NOTCH2: variants seen among roughly 807,000 people sequenced by gnomAD.
The protein encoded by NOTCH2 is notch receptor 2.
Under a neutral mutation model 235.8 loss-of-function variants are expected in NOTCH2, and 29 were observed. That is an observed-to-expected ratio of 0.12 (90% CI 0.09 to 0.17). The LOEUF (loss-of-function observed/expected upper bound fraction) is 0.17, where lower values mean the gene tolerates loss of function less well. NOTCH2 is among the 10% of genes least tolerant of loss of function. NOTCH2 has a pLI of 1.00. For synonymous variants in NOTCH2, 1,086 were observed against 1,141.5 expected (o/e 0.95, Z 0.98); for missense variants, 2,285 against 3,150.2 (o/e 0.73, Z 6.57).
intron 2 of NOTCH2, among the ~76,000 whole-genome samples, chr1:120,010,494 C>T (rs1235880751): frequency 2.6e-5 from 4 of 151,564 alleles, no homozygotes; most frequent in African/African-American, 9.7e-5. Flanking sequence ...ACCAGACCAC[C>T]TGGATTTCAA....
In NOTCH2 at chr1:119,914,650, T is replaced by C. The variant is rs1649002057; in HGVS notation, c.*656A>G. The C allele has an allele frequency of 4.2e-6, 1 of 239,422 alleles. No individual in the cohort carries two copies. Among genetic ancestry groups the C allele is most frequent in the African/African-American group, 2.2e-5 (1 of 45,364 alleles). The allele number at this position is 239,422 out of a possible 1,614,324, so 14.8% of individuals were successfully genotyped here. Reference sequence around the variant, plus strand: ...ATGTCCATTTTCCAAAGAAACAACATACTTGAAAGGTTTGTGCTGAGAACC... The same window carrying C: ...ATGTCCATTTTCCAAAGAAACAACACACTTGAAAGGTTTGTGCTGAGAACC... On this transcript the variant is annotated 3_prime_UTR_variant, in exon 34 of 34. Coordinates refer to ENST00000256646, the MANE Select transcript of NOTCH2 (RefSeq NM_024408.4).
intron 1 of NOTCH2, among the ~76,000 whole-genome samples, chr1:120,035,371 T>C (rs1167631466): frequency 2.0e-5 from 3 of 151,546 alleles, no homozygotes; most frequent in Non-Finnish European, 4.4e-5. Flanking sequence ...GGACAAGCCA[T>C]TTCTTACTTT....
In NOTCH2 at chr1:119,913,939, AGTCCAT is replaced by A; in HGVS notation, c.*1361_*1366del. 1 of 233,102 alleles carries A rather than the reference AGTCCAT, an allele frequency of 4.3e-6. No individual in the cohort carries two copies. Among genetic ancestry groups the A allele is most frequent in the East Asian group, 6.0e-5 (1 of 16,544 alleles). 14.4% of individuals were successfully genotyped at this position (233,102 alleles called of 1,614,324 possible). On this transcript the variant is annotated 3_prime_UTR_variant, in exon 34 of 34. Transcript: ENST00000256646. ...CCAATTCCTGCACTTGAACATATAA[AGTCCAT>A]GTCTTCAGTGAGAACATACTGGGTA... is the stretch of plus-strand genomic sequence containing the variant.
rs752929840 is a variant in NOTCH2, at chr1:119,916,330, C to G, written c.6392G>C (p.Arg2131Thr). ...KEAKDAKGSR[R>T]KKSLSEKVQL... Reference sequence around the variant, plus strand: ...GACCTTCTCACTCAGAGACTTCTTCCTCCTACTACCCTTGGCATCCTTTGC... The same window carrying G: ...GACCTTCTCACTCAGAGACTTCTTCGTCCTACTACCCTTGGCATCCTTTGC... The change falls in exon 34 of 34, where the codon AGG becomes ACG. Residue 2131 changes from arginine to threonine, a missense_variant. Physicochemically the swap from Arg to Thr is moderately conservative, Grantham distance 71 (BLOSUM62 -1). Around this residue, in one of 6 missense-constraint regions of NOTCH2, gnomAD observed 504 missense variants for 538.0 expected, o/e 0.94. Coordinates refer to ENST00000256646, the MANE Select transcript of NOTCH2 (RefSeq NM_024408.4). 6.2e-7 allele frequency: 1 copy of G among 1,614,202 alleles called. No homozygotes were observed. The highest frequency in any genetic ancestry group is 8.5e-7 in the Non-Finnish European group (1 of 1,180,042).
chr1:119,925,163 G>C (rs1570663569), intron 25 of NOTCH2, 142 bp downstream of exon 25: 1 of 979,032 alleles, frequency 1.0e-6, no homozygotes, highest in Non-Finnish European at 1.6e-6. Flanking sequence ...GCACAGGGCA[G>C]TGTGCGATGG....
At chr1:119,947,003 C>T (rs1171328124) in intron 17 of NOTCH2, among the ~76,000 whole-genome samples, 2 of 152,032 alleles carry the variant, frequency 1.3e-5, no homozygotes, top group African/African-American at 4.8e-5. Context: ...TTAAACTTGA[C>T]TTTTAAGTCA....
At chr1:119,986,834 C>A in intron 5 of NOTCH2, 126 bp downstream of exon 5, 2 of 1,180,796 alleles carry the variant, frequency 1.7e-6, no homozygotes, top group African/African-American at 1.5e-5. Flanking sequence ...CATGGAGATC[C>A]TGCTCAGTTC....
chr1:119,931,102 T>TAA (rs79286766), intron 22 of NOTCH2, among the ~76,000 whole-genome samples: 1 of 126,480 alleles, frequency 7.9e-6, no homozygotes. Flanking sequence ...GACTCTGTCT[T>TAA]AAAAAAAAAA....
intron 25 of NOTCH2, among the ~76,000 whole-genome samples, chr1:119,924,232 G>A (rs587635069): frequency 6.6e-6 from 1 of 152,256 alleles, no homozygotes; most frequent in African/African-American, 2.4e-5. Context: ...GGGCTCCCAG[G>A]CAGTTTACAA....
chr1:120,000,773 T>C (rs1344292840), intron 3 of NOTCH2, among the ~76,000 whole-genome samples: 1 of 151,870 alleles, frequency 6.6e-6, no homozygotes, highest in African/African-American at 2.4e-5. Flanking sequence ...GAAGAAATTA[T>C]TCTTATAACA....
At chr1:119,966,079 T>A (rs1348255171) in intron 9 of NOTCH2, among the ~76,000 whole-genome samples, 2 of 152,004 alleles carry the variant, frequency 1.3e-5, no homozygotes, top group Non-Finnish European at 2.9e-5. Flanking sequence ...AAAAATAAAA[T>A]CCCGAATAGC....
intron 15 of NOTCH2, chr1:119,950,127 G>C: frequency 7.3e-6 from 2 of 272,662 alleles, no homozygotes; most frequent in South Asian, 7.9e-5. Context: ...CTCTGAGTGA[G>C]ATGTAGCGGT....
rs1369667414 is a variant in NOTCH2 at position 119,915,180 on chromosome 1, C to T, written c.*126G>A. On this transcript the variant is annotated 3_prime_UTR_variant, in exon 34 of 34. Coordinates refer to ENST00000256646, the MANE Select transcript of NOTCH2 (RefSeq NM_024408.4). Reference sequence around the variant, plus strand: ...TCTTGCATTATCTGAATAAGAACATCTTCTCTTTCCTACCTCTAGAAGCTG... The same window carrying T: ...TCTTGCATTATCTGAATAAGAACATTTTCTCTTTCCTACCTCTAGAAGCTG... 2 of 986,530 alleles carry T rather than the reference C, an allele frequency of 2.0e-6. No individual in the cohort carries two copies. The highest frequency in any genetic ancestry group is 3.2e-5 in the African/African-American group (2 of 62,982). 61.1% of individuals were successfully genotyped at this position (986,530 alleles called of 1,614,324 possible). A position where few individuals can be genotyped will look rare whatever the true frequency, so the allele number is the denominator to read the frequency against.
chr1:119,948,302 A>G (rs1650333946), intron 17 of NOTCH2, 112 bp downstream of exon 17: 2 of 1,101,444 alleles, frequency 1.8e-6, no homozygotes, highest in Non-Finnish European at 1.4e-6. Flanking sequence ...TGGATAAATG[A>G]CCGGTATGCC....
intron 17 of NOTCH2, among the ~76,000 whole-genome samples, chr1:119,946,614 A>G (rs752825570): frequency 6.6e-6 from 1 of 152,072 alleles, no homozygotes; most frequent in Non-Finnish European, 1.5e-5. Flanking sequence ...AAAAATCAAC[A>G]TTCATTCATT....
intron 4 of NOTCH2, chr1:119,996,741 C>T: frequency 2.8e-6 from 3 of 1,067,510 alleles, no homozygotes; most frequent in East Asian, 2.3e-5. Context: ...TTATTTCTCA[C>T]TGTTTCTACA....
rs1350567688 is a variant in NOTCH2 at position 119,925,835 on chromosome 1, A to C, written c.4006-25T>G. ...CCTGTGGAAATCAGTGAGGAAATAA[A>C]AATGGCATTGGTAGGAAAACAGTCA... On this transcript the variant is annotated intron_variant, in intron 24 of 33. Coordinates refer to ENST00000256646, the MANE Select transcript of NOTCH2 (RefSeq NM_024408.4). 6 of 1,613,566 alleles carry C rather than the reference A, an allele frequency of 3.7e-6. No individual in the cohort carries two copies. The South Asian group carries it at 6.6e-5, about 18-fold the overall frequency.
At position 119,921,779 on chromosome 1, in the gene NOTCH2, G is replaced by A; in HGVS notation, c.5244C>T (p.Asn1748=). 3 of 1,614,080 alleles carry A rather than the reference G, an allele frequency of 1.9e-6. No individual in the cohort carries two copies. Among genetic ancestry groups the A allele is most frequent in the Non-Finnish European group, 2.5e-6 (3 of 1,179,944 alleles). The change falls in exon 29 of 34, where the codon AAC becomes AAT. Residue 1748 remains asparagine (N), a synonymous_variant. Coordinates refer to ENST00000256646, the MANE Select transcript of NOTCH2 (RefSeq NM_024408.4). ...KNLSVQVSEA[N]LIGTGTSEHW... ...GTTCACTTGTTCCAGTACCAATTAG[G>A]TTAGCTTCTGAGACTTGCACTGAGA...
chr1:119,966,435 C>T lies in NOTCH2; in HGVS notation c.1508G>A (p.Cys503Tyr). The change falls in exon 9 of 34, where the codon TGT becomes TAT. Residue 503 changes from cysteine (C) to tyrosine (Y), a missense_variant. Transcript: ENST00000256646. ...LEINECQSNP[C>Y]VNNGQCVDKV... ...ATCCACACACTGCCCATTGTTCACA[C>T]AAGGGTTGCTCTGACATTCATTTAT... The T allele has an allele frequency of 6.2e-7, 1 of 1,614,062 alleles. No individual in the cohort carries two copies. Among genetic ancestry groups the T allele is most frequent in the Non-Finnish European group, 8.5e-7 (1 of 1,179,944 alleles).
Sources: gnomAD v4.1 joint callset for allele counts (sites outside exome capture counted in the v4.1 genomes callset) on GRCh38, gnomAD v4.1.1 for gene constraint, gnomAD v4.1.1 regional missense constraint, MANE v1.5 for transcripts, NCBI Gene and HGNC (gene_info 2026-07-23, HGNC 2026-07-21) for gene names.